Variants in MIS18A observed in about 807,000 individuals in gnomAD.
MIS18A encodes the protein MIS18 kinetochore protein A, also known as protein Mis18-alpha.
Under a neutral mutation model 25.0 loss-of-function variants are expected in MIS18A, and 14 were observed. The ratio of observed to expected loss-of-function variants is 0.56; its 90% CI spans 0.37 to 0.88. The LOEUF (loss-of-function observed/expected upper bound fraction) is 0.88, where lower values mean the gene tolerates loss of function less well. Among genes scored for constraint, MIS18A ranks in the 40% least tolerant of loss-of-function variants. The pLI is 0.00. For missense variants in MIS18A, 292 were observed against 290.8 expected (o/e 1.00, Z -0.03); for synonymous variants, 134 against 118.6 (o/e 1.13, Z -0.84).
At chr21:32,206,650 G>A in the MIS18A span, among the ~76,000 whole-genome samples, 10,475 of 152,190 alleles carry the variant, frequency 0.069, 392 homozygotes, top group Middle Eastern at 0.11. Context: ...TGATGGCACC[G>A]TAACGGGAGA....
At chr21:32,274,527 T>C (rs552554589) in intron 2 of MIS18A, among the ~76,000 whole-genome samples, 1 of 152,282 alleles carries the variant, frequency 6.6e-6, no homozygotes, top group South Asian at 2.1e-4. Flanking sequence ...TTTTTATTTT[T>C]GATTTTCTTC....
the MIS18A span, among the ~76,000 whole-genome samples, chr21:32,234,911 A>G: frequency 6.6e-6 from 1 of 152,226 alleles, no homozygotes; most frequent in Non-Finnish European, 1.5e-5. Flanking sequence ...AGTAAGCTGT[A>G]ATGCAAATCT....
the MIS18A span, among the ~76,000 whole-genome samples, chr21:32,220,023 G>C: frequency 1.3e-5 from 2 of 152,216 alleles, no homozygotes; most frequent in Admixed American, 1.3e-4. Flanking sequence ...CAGACCACCT[G>C]GGGGAAGGGG....
the MIS18A span, among the ~76,000 whole-genome samples, chr21:32,226,079 A>G: frequency 1.6e-5 from 2 of 122,268 alleles, no homozygotes; most frequent in East Asian, 2.3e-4. Flanking sequence ...GAATTGAACA[A>G]TGAGATCACA....
chr21:32,212,861 T>C, the MIS18A span, among the ~76,000 whole-genome samples: 9 of 152,236 alleles, frequency 5.9e-5, no homozygotes, highest in Non-Finnish European at 1.2e-4. Flanking sequence ...CCCTTTGCTC[T>C]TCCTTTGTCT....
the MIS18A span, among the ~76,000 whole-genome samples, chr21:32,243,381 G>A: frequency 6.6e-6 from 1 of 152,190 alleles, no homozygotes; most frequent in South Asian, 2.1e-4. Flanking sequence ...AAGTGCAGCA[G>A]TAAGAAAATC....
chr21:32,206,954 CTG>C, the MIS18A span, among the ~76,000 whole-genome samples: 2 of 152,228 alleles, frequency 1.3e-5, no homozygotes, highest in Non-Finnish European at 2.9e-5. Flanking sequence ...AAACGCCAAA[CTG>C]TGAGCCACCC....
At chr21:32,255,151 A>G in the MIS18A span, among the ~76,000 whole-genome samples, 1 of 152,238 alleles carries the variant, frequency 6.6e-6, no homozygotes, top group East Asian at 1.9e-4. Flanking sequence ...AGATACTTGG[A>G]TTGTAGATAC....
chr21:32,165,998 G>T, the MIS18A span, among the ~76,000 whole-genome samples: 1 of 152,152 alleles, frequency 6.6e-6, no homozygotes, highest in African/African-American at 2.4e-5. Flanking sequence ...ACCCCATCTT[G>T]GTCATCCCTG....
At chr21:32,211,824 C>A in the MIS18A span, among the ~76,000 whole-genome samples, 2 of 152,144 alleles carry the variant, frequency 1.3e-5, no homozygotes, top group African/African-American at 4.8e-5. Context: ...AAGGGCACAG[C>A]CCAAATTACA....
chr21:32,256,253 G>C, the MIS18A span, among the ~76,000 whole-genome samples: 1 of 152,100 alleles, frequency 6.6e-6, no homozygotes, highest in Non-Finnish European at 1.5e-5. Context: ...CTCCCTCAGA[G>C]AGTACCACTG....
chr21:32,231,050 C>CTCTAATGAGTCCTTTT, the MIS18A span, among the ~76,000 whole-genome samples: 1 of 151,818 alleles, frequency 6.6e-6, no homozygotes, highest in African/African-American at 2.4e-5. Context: ...GCCTGGCCAA[C>CTCTAATGAGTCCTTTT]ACAGTGAAAC....
intron 2 of MIS18A, among the ~76,000 whole-genome samples, chr21:32,272,312 T>C (rs940834208): frequency 2.0e-5 from 3 of 152,240 alleles, no homozygotes; most frequent in Non-Finnish European, 4.4e-5. Context: ...GTGCTCTTGC[T>C]GACCATCAGC....
chr21:32,211,195 C>G, the MIS18A span, among the ~76,000 whole-genome samples: 28 of 152,290 alleles, frequency 1.8e-4, no homozygotes, highest in East Asian at 4.5e-3. Context: ...CATGTGTCAC[C>G]ATGCCTGGCT....
the MIS18A span, among the ~76,000 whole-genome samples, chr21:32,248,698 C>T: frequency 6.6e-6 from 1 of 152,192 alleles, no homozygotes; most frequent in South Asian, 2.1e-4. Flanking sequence ...CCAAGATAGT[C>T]TGGTCTCATT....
the MIS18A span, among the ~76,000 whole-genome samples, chr21:32,185,137 C>T: frequency 1.3e-5 from 2 of 152,138 alleles, no homozygotes; most frequent in Non-Finnish European, 2.9e-5. Flanking sequence ...TTTAACCTTA[C>T]CCCTTCAGAC....
chr21:32,169,123 T>C, the MIS18A span, among the ~76,000 whole-genome samples: 1 of 152,132 alleles, frequency 6.6e-6, no homozygotes, highest in African/African-American at 2.4e-5. Context: ...ACAATCTTTG[T>C]GGTTTTTTAA....
chr21:32,196,282 T>C, the MIS18A span, among the ~76,000 whole-genome samples: 2 of 152,140 alleles, frequency 1.3e-5, no homozygotes, highest in Non-Finnish European at 2.9e-5. Flanking sequence ...CCTGCCTATC[T>C]TCAAGCTGAG....
chr21:32,173,086 A>G, the MIS18A span, among the ~76,000 whole-genome samples: 1 of 152,110 alleles, frequency 6.6e-6, no homozygotes, highest in African/African-American at 2.4e-5. Flanking sequence ...ACCAAAGCAT[A>G]ACAAAAAAAA....
Sources: allele counts gnomAD v4.1 joint callset (sites outside exome capture counted in the v4.1 genomes callset), GRCh38; gene constraint gnomAD v4.1.1; transcripts MANE v1.5; gene names NCBI Gene and HGNC (gene_info 2026-07-23, HGNC 2026-07-21).